DGKH: variants seen among roughly 807,000 people sequenced by gnomAD.
The protein encoded by DGKH is diacylglycerol kinase eta.
DGKH carries 90 observed loss-of-function variants against 159.3 expected under a neutral mutation model. The ratio of observed to expected loss-of-function variants is 0.57; its 90% CI spans 0.48 to 0.67. The LOEUF is 0.67. DGKH is among the 30% of genes least tolerant of loss of function. DGKH has a pLI of 0.00. For synonymous variants in DGKH, 536 were observed against 553.8 expected (o/e 0.97, Z 0.45); for missense variants, 1,181 against 1,506.1 (o/e 0.78, Z 3.57).
Position 42,214,383 on chromosome 13 carries a change from A to G in DGKH, c.3015-124A>G, listed in dbSNP as rs911915479. ...CATTCATAATTGAGCAGCCATTAAAAGTGTTCTTCCATACTGATCTTCATA... is the reference window on the plus strand; with the variant it reads ...CATTCATAATTGAGCAGCCATTAAAGGTGTTCTTCCATACTGATCTTCATA... On this transcript the variant is annotated intron_variant, in intron 24 of 29. Transcript: ENST00000337343. 6.5e-6 allele frequency: 5 copies of G among 770,330 alleles called. No homozygotes were observed. In the African/African-American group the frequency reaches 8.9e-5, roughly 14 times the overall value. The allele number at this position is 770,330 out of a possible 1,614,324, so 47.7% of individuals were successfully genotyped here. A position where few individuals can be genotyped will look rare whatever the true frequency, so the allele number is the denominator to read the frequency against.
intron 1 of DGKH, among the ~76,000 whole-genome samples, chr13:42,053,928 G>T (rs1325871167): frequency 6.6e-6 from 1 of 152,080 alleles, no homozygotes; most frequent in Non-Finnish European, 1.5e-5. Context: ...CCAAAAACAT[G>T]TATTTTTAAG....
chr13:42,196,256 T>A, intron 17 of DGKH, among the ~76,000 whole-genome samples: 1 of 152,148 alleles, frequency 6.6e-6, no homozygotes, highest in East Asian at 1.9e-4. Context: ...CCCCAAAAAG[T>A]TAAACATAGA....
At chr13:42,228,803 A>G (rs1257493330) in intron 29 of DGKH, among the ~76,000 whole-genome samples, 2 of 152,152 alleles carry the variant, frequency 1.3e-5, no homozygotes, top group African/African-American at 2.4e-5. Flanking sequence ...TGAGAATGTC[A>G]CAGTTAAGAG....
At chr13:42,081,856 C>G (rs1371363212) in intron 1 of DGKH, among the ~76,000 whole-genome samples, 3 of 152,120 alleles carry the variant, frequency 2.0e-5, no homozygotes, top group Admixed American at 2.0e-4. Flanking sequence ...AAGATCTGAG[C>G]CTTAGGTGTG....
At chr13:42,226,359 T>C (rs1011989129) in intron 29 of DGKH, among the ~76,000 whole-genome samples, 1 of 152,142 alleles carries the variant, frequency 6.6e-6, no homozygotes, top group Admixed American at 6.5e-5. Flanking sequence ...GAATGTAAAT[T>C]AGTTCAATCA....
chr13:42,126,356 A>T (rs887642006), intron 1 of DGKH, among the ~76,000 whole-genome samples: 3 of 152,132 alleles, frequency 2.0e-5, no homozygotes, highest in African/African-American at 7.2e-5. Context: ...TCTCATTGAG[A>T]TGGTCAAGAC....
At chr13:42,170,537 C>T (rs537427978) in intron 11 of DGKH, among the ~76,000 whole-genome samples, 1 of 152,170 alleles carries the variant, frequency 6.6e-6, no homozygotes, top group East Asian at 1.9e-4. Context: ...CAAAACAAAA[C>T]AAAAGAAAAT....
intron 1 of DGKH, among the ~76,000 whole-genome samples, chr13:42,061,796 A>G (rs1360576004): frequency 6.6e-6 from 1 of 152,158 alleles, no homozygotes; most frequent in Non-Finnish European, 1.5e-5. Context: ...ACCAATTTTT[A>G]TTGAGTTCTA....
intron 23 of DGKH, among the ~76,000 whole-genome samples, chr13:42,210,168 TTTTTTGTTTTTG>T (rs1444275703): frequency 1.4e-4 from 21 of 151,916 alleles, no homozygotes; most frequent in Middle Eastern, 3.2e-3. Flanking sequence ...CATGAAATAT[TTTTTTGTTTTTG>T]TTTTTGTTTT....
intron 29 of DGKH, among the ~76,000 whole-genome samples, chr13:42,249,198 ACT>A (rs1958602502): frequency 6.6e-6 from 1 of 152,036 alleles, no homozygotes; most frequent in Non-Finnish European, 1.5e-5. Flanking sequence ...ACTTGCAGAA[ACT>A]CAGCCTCTAC....
intron 1 of DGKH, among the ~76,000 whole-genome samples, chr13:42,063,178 AT>A (rs926160388): frequency 2.2e-4 from 32 of 147,680 alleles, no homozygotes; most frequent in Admixed American, 2.7e-4. Flanking sequence ...ATCTGGACCT[AT>A]TTTTTTTTTT....
rs200802433 is a variant in DGKH, at chr13:42,144,636, C to T, written c.385-10655C>T. Among the ~76,000 whole-genome samples, 19 of 150,856 alleles carry T rather than the reference C, an allele frequency of 1.3e-4. No homozygotes were observed. The East Asian group carries it at 1.6e-3, about 12-fold the overall frequency. On this transcript the variant is annotated intron_variant, in intron 3 of 29. Coordinates refer to ENST00000337343, the MANE Select transcript of DGKH (RefSeq NM_178009.5). ...CTGGAGGCAGAGATTGAGCTGAGAT[C>T]GTGCCACTGCACTCTTGCTTGGGTG... is the stretch of plus-strand genomic sequence containing the variant.
intron 7 of DGKH, among the ~76,000 whole-genome samples, chr13:42,162,714 G>A (rs963574729): frequency 1.3e-5 from 2 of 151,982 alleles, no homozygotes; most frequent in Admixed American, 1.3e-4. Context: ...TGAGGCAGTA[G>A]AGTTGCTTGA....
At chr13:42,071,131 T>A in intron 1 of DGKH, 1 of 736,200 alleles carries the variant, frequency 1.4e-6, no homozygotes, top group Non-Finnish European at 2.2e-6. Context: ...TTTGGAATTG[T>A]TGAACTTGTG....
chr13:42,066,516 C>T (rs915925950), intron 1 of DGKH: 2 of 152,108 alleles, frequency 1.3e-5, no homozygotes, highest in Admixed American at 6.5e-5. Context: ...TTTATAGGGT[C>T]GATCTTCCTT....
intron 1 of DGKH, among the ~76,000 whole-genome samples, chr13:42,126,505 C>CTAGA (rs1237412510): frequency 6.6e-6 from 1 of 152,108 alleles, no homozygotes; most frequent in Non-Finnish European, 1.5e-5. Context: ...GAGGGAAACG[C>CTAGA]TAGATGAGGT....
At chr13:42,246,817 C>T (rs1482107953), downstream of DGKH, among the ~76,000 whole-genome samples, 1 of 152,090 alleles carries the variant, frequency 6.6e-6, no homozygotes, top group Non-Finnish European at 1.5e-5. Context: ...TCTGAGATCT[C>T]GTTTAATTTG....
chr13:42,194,727 C>T (rs991236359), intron 16 of DGKH, among the ~76,000 whole-genome samples, 158 bp from the exon 17 acceptor site: 1 of 152,152 alleles, frequency 6.6e-6, no homozygotes, highest in African/African-American at 2.4e-5. Context: ...CTTATTCCCT[C>T]CATGTAAGTC....
chr13:42,152,063 T>C (rs951670892), intron 3 of DGKH, among the ~76,000 whole-genome samples: 1 of 152,198 alleles, frequency 6.6e-6, no homozygotes, highest in Admixed American at 6.6e-5. Flanking sequence ...GTATGTTTCT[T>C]GGCCGTTTGT....
Sources: gnomAD v4.1 joint callset for allele counts (sites outside exome capture counted in the v4.1 genomes callset) on GRCh38, gnomAD v4.1.1 for gene constraint, MANE v1.5 for transcripts, NCBI Gene and HGNC (gene_info 2026-07-23, HGNC 2026-07-21) for gene names.